The following CSF1 variants were observed in gnomAD, a reference collection of about 807,000 sequenced individuals.
The protein encoded by CSF1 is macrophage colony-stimulating factor 1.
In CSF1, 9 loss-of-function variants were observed where a neutral mutation model predicts 48.9. The ratio of observed to expected loss-of-function variants is 0.18; its 90% CI spans 0.11 to 0.32. The LOEUF (loss-of-function observed/expected upper bound fraction) is 0.32, where lower values mean the gene tolerates loss of function less well. CSF1 is among the 10% of genes least tolerant of loss of function. The pLI is 1.00. For missense variants in CSF1, 672 were observed against 697.9 expected, an observed-to-expected ratio of 0.96 and a Z score of 0.42; for synonymous variants, 305 against 284.1, an observed-to-expected ratio of 1.07 and a Z score of -0.74.
rs576527357 is a variant in CSF1 at position 109,921,785 on chromosome 1, A to G, written c.397-62A>G. 105 of 1,469,526 alleles carry G rather than the reference A, an allele frequency of 7.1e-5. 1 individual carries two copies. In the South Asian group the frequency reaches 1.4e-3, roughly 20 times the overall value. The allele number at this position is 1,469,526 out of a possible 1,614,324, so 91.0% of individuals were successfully genotyped here. ...GAGAAAGGCCAAGGGAATTTGACAA[A>G]TAAGATGGAGACATGGGGCCAATGG... On this transcript the variant is annotated intron_variant, in intron 4 of 8. Coordinates refer to ENST00000329608, the MANE Select transcript of CSF1 (RefSeq NM_000757.6).
Position 109,924,789 on chromosome 1 carries a change from C to T in CSF1, c.1583C>T (p.Pro528Leu). ...TCCTGTCCTCAGAGCCATCAAGAGC[C>T]TCAGAGAGCGGATTCTCCCTTGGAG... ...YRWRRRSHQE[P>L]QRADSPLEQP... The change falls in exon 7 of 9, where the codon CCT becomes CTT. Residue 528 changes from proline to leucine, a missense_variant. Coordinates refer to ENST00000329608, the MANE Select transcript of CSF1 (RefSeq NM_000757.6). 6 of 1,597,938 alleles carry T rather than the reference C, an allele frequency of 3.8e-6. No individual in the cohort carries two copies. Among genetic ancestry groups the T allele is most frequent in the Non-Finnish European group, 5.1e-6 (6 of 1,172,232 alleles).
chr1:109,912,753 G>A (rs1654741906), intron 1 of CSF1, among the ~76,000 whole-genome samples: 1 of 152,190 alleles, frequency 6.6e-6, no homozygotes, highest in Non-Finnish European at 1.5e-5. Flanking sequence ...ACACCGTCTA[G>A]TGGCCCAGTT....
chr1:109,912,878 C>G (rs1654750439), intron 1 of CSF1, among the ~76,000 whole-genome samples: 1 of 152,198 alleles, frequency 6.6e-6, no homozygotes, highest in Admixed American at 6.5e-5. Flanking sequence ...TGCCGTCCCC[C>G]TCTTCCACAC....
intron 8 of CSF1, among the ~76,000 whole-genome samples, chr1:109,927,589 C>T (rs993686834): frequency 2.6e-5 from 4 of 152,148 alleles, no homozygotes; most frequent in Admixed American, 6.5e-5. Context: ...TTCTCAGGCC[C>T]GTCCCAAGCT....
At chr1:109,925,123 A>G (rs333972) in intron 7 of CSF1, 24 bp from the exon 8 acceptor site, 1,611,354 of 1,612,304 alleles carry the variant, frequency 1, 805,209 homozygotes, top group East Asian at 1. Context: ...GATGTCTAAT[A>G]CCAGCCCTGT....
Position 109,915,401 on chromosome 1 carries a change from C to T in CSF1, c.163-233C>T, listed in dbSNP as rs374384638. 1.8e-4 allele frequency among the ~76,000 whole-genome samples: 28 copies of T among 152,272 alleles called. No homozygotes were observed. In the South Asian group the frequency reaches 5.0e-3, roughly 27 times the overall value. On this transcript the variant is annotated intron_variant, in intron 2 of 8. Transcript: ENST00000329608. The stretch of plus-strand genomic sequence containing the variant: ...AAACAAATGGGCATTTGTCAGATTT[C>T]GTGGGGTGGTAGAAGGAAAGAAGAG...
intron 4 of CSF1, among the ~76,000 whole-genome samples, chr1:109,918,617 G>A (rs374000930): frequency 1.3e-5 from 2 of 152,056 alleles, no homozygotes; most frequent in African/African-American, 4.8e-5. Context: ...AGAAGCTGAG[G>A]GAAAGAAAAA....
chr1:109,912,863 G>A (rs1172807165), intron 1 of CSF1, among the ~76,000 whole-genome samples: 3 of 147,964 alleles, frequency 2.0e-5, no homozygotes, highest in African/African-American at 5.0e-5. Context: ...CCCAGCCCCC[G>A]TGACTGCCGT....
Position 109,917,447 on chromosome 1 carries a change from A to G in CSF1, c.380A>G (p.Tyr127Cys). The G allele has an allele frequency of 6.2e-7, 1 of 1,614,138 alleles. No individual in the cohort carries two copies. The highest frequency in any genetic ancestry group is 8.5e-7 in the Non-Finnish European group (1 of 1,180,028). Reference protein sequence around the residue: ...LRLKSCFTKDYEEHDKACVRT... With the variant: ...LRLKSCFTKDCEEHDKACVRT... The stretch of plus-strand genomic sequence containing the variant: ...CTGAAGAGCTGCTTCACCAAGGATT[A>G]TGAAGAGCATGACAAGGTAGGAAGC... Residue 127 changes from tyrosine to cysteine, a missense_variant, in exon 4 of 9, where the codon TAT becomes TGT. By Grantham distance (194) the Tyr-to-Cys change is radical. Coordinates refer to ENST00000329608, the MANE Select transcript of CSF1 (RefSeq NM_000757.6).
At chr1:109,918,674 T>C (rs12405712) in intron 4 of CSF1, among the ~76,000 whole-genome samples, 1 of 152,098 alleles carries the variant, frequency 6.6e-6, no homozygotes, top group Admixed American at 6.5e-5. Flanking sequence ...CCAATGATGC[T>C]GAAACGGGGA....
In CSF1 at chr1:109,914,392, G is replaced by C. The variant is rs1319369191; in HGVS notation, c.162+11G>C. On this transcript the variant is annotated intron_variant, in intron 2 of 8. Transcript: ENST00000329608. ...TCTCTGCAGCGGCTGGTGAGTGTGT[G>C]GCCATGCTGTATTCTACCTTCTCCC... is the stretch of plus-strand genomic sequence containing the variant. 3.2e-6 allele frequency: 5 copies of C among 1,586,424 alleles called. No homozygotes were observed. Among genetic ancestry groups the C allele is most frequent in the Non-Finnish European group, 3.4e-6 (4 of 1,165,862 alleles).
intron 5 of CSF1, among the ~76,000 whole-genome samples, chr1:109,922,737 GGCTGT>G (rs1647619839): frequency 2.0e-5 from 3 of 152,130 alleles, no homozygotes; most frequent in Non-Finnish European, 4.4e-5. Context: ...CTGTGGCTGT[GGCTGT>G]GGCTGTGTGG....
At position 109,923,182 on chromosome 1, in the gene CSF1, T is replaced by A. The variant is rs780040277; in HGVS notation, c.561T>A (p.Pro187=). ...ECSSQDVVTK[P]DCNCLYPKAI... ...TTCTTTCAGATGTGGTGACCAAGCC[T>A]GATTGCAACTGCCTGTACCCCAAAG... The change falls in exon 6 of 9, where the codon CCT becomes CCA. Residue 187 remains proline, a synonymous_variant. Transcript: ENST00000329608. 10 of 1,519,228 alleles carry A rather than the reference T, an allele frequency of 6.6e-6. No homozygotes were observed. The highest frequency in any genetic ancestry group is 8.8e-6 in the Non-Finnish European group (10 of 1,133,936). 94.1% of individuals were successfully genotyped at this position (1,519,228 alleles called of 1,614,324 possible).
At chr1:109,925,495 C>G (rs1285180807) in intron 8 of CSF1, among the ~76,000 whole-genome samples, 1 of 152,170 alleles carries the variant, frequency 6.6e-6, no homozygotes, top group African/African-American at 2.4e-5. Context: ...CTAAACCCCC[C>G]TTTTTCAAAT....
At position 109,910,949 on chromosome 1, in the gene CSF1, C is replaced by G. The variant is rs1654651444; in HGVS notation, c.-75C>G. On this transcript the variant is annotated 5_prime_UTR_variant, in exon 1 of 9. Coordinates refer to ENST00000329608, the MANE Select transcript of CSF1 (RefSeq NM_000757.6). ...GCGGTGCGGCCCTCGGCCGGGGCGC[C>G]CACTCCGCAGCAGCCAGCGAGCGAG... 2 of 1,101,016 alleles carry G rather than the reference C, an allele frequency of 1.8e-6. No homozygotes were observed. The highest frequency in any genetic ancestry group is 9.7e-5 in the Admixed American group (2 of 20,552). The allele number at this position is 1,101,016 out of a possible 1,614,324, so 68.2% of individuals were successfully genotyped here.
intron 4 of CSF1, among the ~76,000 whole-genome samples, chr1:109,918,339 G>A (rs1425832157): frequency 6.6e-6 from 1 of 152,162 alleles, no homozygotes; most frequent in East Asian, 1.9e-4. Context: ...TTAGAGATGT[G>A]GGATTTTGTC....
rs1647779027 is a variant in CSF1 at position 109,925,067 on chromosome 1, G to A, written c.1623-80G>A. The A allele has an allele frequency of 4.6e-6, 6 of 1,318,396 alleles. No homozygotes were observed. The East Asian group carries it at 9.2e-5, about 20-fold the overall frequency. The allele number at this position is 1,318,396 out of a possible 1,614,324, so 81.7% of individuals were successfully genotyped here. ...TGAGAGGGCCTAGAGCATGTCTGGG[G>A]CTTAGGGGTAAACTTACGGAGTCCC... On this transcript the variant is annotated intron_variant, in intron 7 of 8. Coordinates refer to ENST00000329608, the MANE Select transcript of CSF1 (RefSeq NM_000757.6).
Position 109,914,278 on chromosome 1 carries a change from T to C in CSF1, c.59T>C (p.Leu20Pro). Residue 20 changes from leucine (L) to proline (P), a missense_variant, in exon 2 of 9, where the codon CTG (leucine) becomes CCG (proline). Leu to Pro is a moderately conservative substitution (Grantham distance 98). Transcript: ENST00000329608. ...TCACAGACATGGCTGGGCTCCCTGC[T>C]GTTGTTGGTCTGTCTCCTGGCGAGC... is the stretch of plus-strand genomic sequence containing the variant. Reference protein sequence around the residue: ...CPPTTWLGSLLLLVCLLASRS... With the variant: ...CPPTTWLGSLPLLVCLLASRS... 6.2e-7 allele frequency: 1 copy of C among 1,606,814 alleles called. No individual in the cohort carries two copies. Among genetic ancestry groups the C allele is most frequent in the Non-Finnish European group, 8.5e-7 (1 of 1,176,360 alleles).
rs1399631991 is a variant in CSF1, at chr1:109,930,979, A to C, written c.*2141A>C. 2 of 152,216 alleles carry C rather than the reference A, an allele frequency of 1.3e-5. No homozygotes were observed. Among genetic ancestry groups the C allele is most frequent in the African/African-American group, 4.8e-5 (2 of 41,458 alleles). The allele number at this position is 152,216 out of a possible 1,614,324, so 9.4% of individuals were successfully genotyped here. On this transcript the variant is annotated 3_prime_UTR_variant, in exon 9 of 9. Transcript: ENST00000329608. Reference sequence around the variant, plus strand: ...TGCTTATATATTTAATAATAAAAGAAGTGCACAAGCTGCCATGTGAGTCGT... The same window carrying C: ...TGCTTATATATTTAATAATAAAAGACGTGCACAAGCTGCCATGTGAGTCGT...
Sources: allele counts gnomAD v4.1 joint callset (sites outside exome capture counted in the v4.1 genomes callset), GRCh38; gene constraint gnomAD v4.1.1; transcripts MANE v1.5; gene names NCBI Gene and HGNC (gene_info 2026-07-23, HGNC 2026-07-21).